ST18: variants seen among roughly 807,000 people sequenced by gnomAD.
ST18 encodes the protein ST18 C2H2C-type zinc finger transcription factor.
Under a neutral mutation model 110.0 loss-of-function variants are expected in ST18, and 50 were observed. That is an observed-to-expected ratio of 0.45 (90% confidence interval 0.36 to 0.58). The LOEUF is 0.58. Ranked by LOEUF, ST18 falls within the 20% of genes least tolerant of loss-of-function variation. The probability of loss-of-function intolerance (pLI) is 0.00; values close to 1 mark genes in which losing one functional copy is unlikely to be tolerated. For synonymous variants in ST18, 461 were observed against 452.4 expected, an observed-to-expected ratio of 1.02 and a Z score of -0.24; for missense variants, 1,306 against 1,280.1, an observed-to-expected ratio of 1.02 and a Z score of -0.31.
At chr8:52,274,701 A>G (rs1441845001) in intron 2 of ST18, among the ~76,000 whole-genome samples, 1 of 152,202 alleles carries the variant, frequency 6.6e-6, no homozygotes, top group African/African-American at 2.4e-5. Flanking sequence ...TAGTTTTGAT[A>G]TGCAACAAAT....
chr8:52,385,243 C>A (rs1836137706), intron 2 of ST18, among the ~76,000 whole-genome samples: 1 of 152,138 alleles, frequency 6.6e-6, no homozygotes, highest in South Asian at 2.1e-4. Context: ...GACATGCATC[C>A]CCAACTGTTA....
At chr8:52,263,944 G>A (rs559685241) in intron 2 of ST18, among the ~76,000 whole-genome samples, 12 of 151,760 alleles carry the variant, frequency 7.9e-5, no homozygotes, top group African/African-American at 2.7e-4. Flanking sequence ...GATTACATGC[G>A]TGTGCCACCT....
chr8:52,170,513 A>C (rs1238088299), intron 10 of ST18, among the ~76,000 whole-genome samples: 3 of 151,850 alleles, frequency 2.0e-5, no homozygotes, highest in African/African-American at 7.2e-5. Context: ...GAGAAATGAT[A>C]TCTCTTAAGA....
At chr8:52,148,606 C>G (rs1380778543) in intron 16 of ST18, among the ~76,000 whole-genome samples, 1 of 151,450 alleles carries the variant, frequency 6.6e-6, no homozygotes, top group Admixed American at 6.6e-5. Flanking sequence ...TCTCCAGGTC[C>G]CATGTCACTG....
intron 22 of ST18, among the ~76,000 whole-genome samples, chr8:52,130,564 T>C (rs2049166400): frequency 6.6e-6 from 1 of 152,236 alleles, no homozygotes; most frequent in South Asian, 2.1e-4. Flanking sequence ...CGGGTTCTCA[T>C]ATGCAGAGAT....
At chr8:52,249,243 G>T (rs1253552022) in intron 2 of ST18, 8 of 152,192 alleles carry the variant, frequency 5.3e-5, no homozygotes, top group African/African-American at 1.9e-4. Flanking sequence ...TTCCAGAGGT[G>T]ATAGCAAAAT....
At chr8:52,204,702 G>T (rs72641880) in intron 8 of ST18, among the ~76,000 whole-genome samples, 5,344 of 152,200 alleles carry the variant, frequency 0.035, 172 homozygotes, top group East Asian at 0.11. Context: ...TATATTACAA[G>T]AAAAGAAAAG....
At chr8:52,273,668 G>T (rs372621240) in intron 2 of ST18, among the ~76,000 whole-genome samples, 3 of 152,126 alleles carry the variant, frequency 2.0e-5, no homozygotes, top group Non-Finnish European at 4.4e-5. Flanking sequence ...CAGGCAAAAT[G>T]GGTTCTATTA....
At chr8:52,172,626 A>C (rs759833405) in intron 9 of ST18, 43 bp from the exon 10 acceptor site, 2 of 1,478,924 alleles carry the variant, frequency 1.4e-6, no homozygotes, top group Non-Finnish European at 9.0e-7. Flanking sequence ...AAGAACAAAA[A>C]ATATTTTAGG....
chr8:52,408,649 T>C (rs996429050), intron 2 of ST18, among the ~76,000 whole-genome samples: 1 of 152,258 alleles, frequency 6.6e-6, no homozygotes, highest in African/African-American at 2.4e-5. Flanking sequence ...ATGCAGTATT[T>C]GTCCTTCTGA....
At chr8:52,125,852 C>T in intron 23 of ST18, 200 bp downstream of exon 23, 1 of 543,676 alleles carries the variant, frequency 1.8e-6, no homozygotes, top group Non-Finnish European at 3.2e-6. Context: ...GGAGATCACT[C>T]CTTATTTAAA....
At chr8:52,252,183 C>T (rs1430796800) in intron 2 of ST18, among the ~76,000 whole-genome samples, 1 of 151,944 alleles carries the variant, frequency 6.6e-6, no homozygotes, top group African/African-American at 2.4e-5. Context: ...ATTGTGAAAG[C>T]TTAAAGTTAT....
chr8:52,143,145 C>T, intron 16 of ST18, 100 bp from the exon 17 acceptor site: 1 of 761,766 alleles, frequency 1.3e-6, no homozygotes, highest in East Asian at 2.6e-5. Flanking sequence ...TGAGTTTTGG[C>T]TTTGGACTTG....
chr8:52,291,841 C>T (rs2095560532), intron 2 of ST18, among the ~76,000 whole-genome samples: 1 of 152,110 alleles, frequency 6.6e-6, no homozygotes, highest in Non-Finnish European at 1.5e-5. Flanking sequence ...GTGGCAAGAA[C>T]ATGGCTCACT....
chr8:52,301,452 C>T (rs182099656), intron 2 of ST18, among the ~76,000 whole-genome samples: 1 of 152,090 alleles, frequency 6.6e-6, no homozygotes, highest in Admixed American at 6.5e-5. Context: ...GTTACTAAGT[C>T]ACAGAGGAAA....
At chr8:52,125,112 C>A (rs1159876492) in intron 23 of ST18, among the ~76,000 whole-genome samples, 4 of 152,080 alleles carry the variant, frequency 2.6e-5, no homozygotes, top group Non-Finnish European at 5.9e-5. Context: ...TTAGAAATCT[C>A]CAGAAAATGC....
chr8:52,166,149 G>A (rs910203051), intron 11 of ST18, among the ~76,000 whole-genome samples: 2 of 152,186 alleles, frequency 1.3e-5, no homozygotes, highest in Non-Finnish European at 2.9e-5. Context: ...CATACCTCCA[G>A]GTGAAACAGA....
At chr8:52,343,029 A>T (rs1815878238) in intron 2 of ST18, among the ~76,000 whole-genome samples, 1 of 152,162 alleles carries the variant, frequency 6.6e-6, no homozygotes. Context: ...TCAAAATAGA[A>T]TGACTCAAAA....
At chr8:52,269,119 C>G (rs1016108131) in intron 2 of ST18, among the ~76,000 whole-genome samples, 1 of 152,194 alleles carries the variant, frequency 6.6e-6, no homozygotes, top group African/African-American at 2.4e-5. Flanking sequence ...AACACTATCA[C>G]TAGATATTAC....
Sources: allele counts gnomAD v4.1 joint callset (sites outside exome capture counted in the v4.1 genomes callset), GRCh38; gene constraint gnomAD v4.1.1; transcripts MANE v1.5; gene names NCBI Gene and HGNC (gene_info 2026-07-23, HGNC 2026-07-21).